Variants in SH3GL2 observed in about 807,000 individuals in gnomAD.
SH3GL2 encodes the protein endophilin-A1.
Under a neutral mutation model 46.0 loss-of-function variants are expected in SH3GL2, and 24 were observed. That is an observed-to-expected ratio of 0.52 (90% CI 0.38 to 0.73). The LOEUF (loss-of-function observed/expected upper bound fraction) is 0.73, where lower values mean the gene tolerates loss of function less well. Ranked by LOEUF, SH3GL2 falls within the 30% of genes least tolerant of loss-of-function variation. The probability of loss-of-function intolerance (pLI) is 0.00; values close to 1 mark genes in which losing one functional copy is unlikely to be tolerated. For missense variants in SH3GL2, 413 were observed against 424.2 expected (o/e 0.97, Z 0.23); for synonymous variants, 196 against 147.1 (o/e 1.33, Z -2.40).
chr9:17,754,589 C>T (rs1431229327), intron 2 of SH3GL2, among the ~76,000 whole-genome samples: 1 of 152,128 alleles, frequency 6.6e-6, no homozygotes, highest in African/African-American at 2.4e-5. Context: ...AGGAGAATGG[C>T]TTGAACCCAG....
chr9:17,787,012 C>A (rs140815677), intron 4 of SH3GL2, among the ~76,000 whole-genome samples: 3 of 152,180 alleles, frequency 2.0e-5, no homozygotes, highest in Non-Finnish European at 4.4e-5. Flanking sequence ...TCTATTTTCA[C>A]CCCCTTGTGA....
chr9:17,757,568 T>C (rs191865907), intron 2 of SH3GL2, among the ~76,000 whole-genome samples: 150 of 152,342 alleles, frequency 9.8e-4, no homozygotes, highest in Admixed American at 3.1e-3. Flanking sequence ...GCAAGGTTAG[T>C]TGAAGACGGA....
chr9:17,714,544 G>A (rs1821704665), intron 1 of SH3GL2, among the ~76,000 whole-genome samples: 1 of 151,512 alleles, frequency 6.6e-6, no homozygotes, highest in South Asian at 2.1e-4. Context: ...TACTTTAGTG[G>A]TTGGTAGTGC....
At chr9:17,760,116 A>G (rs1445372038) in intron 2 of SH3GL2, among the ~76,000 whole-genome samples, 1 of 152,194 alleles carries the variant, frequency 6.6e-6, no homozygotes, top group Non-Finnish European at 1.5e-5. Context: ...ACTACCTGGT[A>G]CACACTCAAT....
At chr9:17,751,914 A>T (rs892348658) in intron 2 of SH3GL2, among the ~76,000 whole-genome samples, 1 of 152,158 alleles carries the variant, frequency 6.6e-6, no homozygotes, top group Admixed American at 6.5e-5. Context: ...CTTTGAAGAC[A>T]TCTTTTTCCT....
intron 1 of SH3GL2, among the ~76,000 whole-genome samples, chr9:17,600,726 A>G (rs35753976): frequency 0.017 from 2,619 of 152,278 alleles, 113 homozygotes; most frequent in Admixed American, 0.1. Context: ...TTTGTGGGGA[A>G]TGGACTTTAA....
At chr9:17,732,223 G>C (rs1266441072) in intron 1 of SH3GL2, among the ~76,000 whole-genome samples, 9 of 141,044 alleles carry the variant, frequency 6.4e-5, no homozygotes, top group Non-Finnish European at 1.1e-4. Context: ...GACCGGAGTT[G>C]TTGCTAATTA....
chr9:17,795,533 C>G lies in SH3GL2; in HGVS notation c.860-11C>G, dbSNP rs771029418. On this transcript the variant is annotated splice_polypyrimidine_tract_variant and intron_variant, in intron 8 of 8. Coordinates refer to ENST00000380607, the MANE Select transcript of SH3GL2 (RefSeq NM_003026.5). ...TTGTGTTCTTCTCTTCTCTCCTGCT[C>G]TTACTCCCAGGTGTCCAAATGGATC... is the stretch of plus-strand genomic sequence containing the variant. The G allele has an allele frequency of 1.3e-5, 21 of 1,610,830 alleles. No individual in the cohort carries two copies. The highest frequency in any genetic ancestry group is 1.8e-5 in the Non-Finnish European group (21 of 1,177,296).
chr9:17,594,775 A>G (rs528677881), intron 1 of SH3GL2, among the ~76,000 whole-genome samples: 3 of 152,304 alleles, frequency 2.0e-5, no homozygotes, highest in East Asian at 1.9e-4. Flanking sequence ...CTGCCATTCT[A>G]TACTTCATTC....
intron 3 of SH3GL2, among the ~76,000 whole-genome samples, chr9:17,784,316 A>C (rs1272856702): frequency 6.6e-6 from 1 of 152,172 alleles, no homozygotes; most frequent in Non-Finnish European, 1.5e-5. Context: ...TTACCTGGAG[A>C]CAGCCCTTAA....
chr9:17,719,634 T>TA (rs948028151), intron 1 of SH3GL2, among the ~76,000 whole-genome samples: 10 of 151,780 alleles, frequency 6.6e-5, no homozygotes, highest in Admixed American at 2.0e-4. Flanking sequence ...TACCAAAAAA[T>TA]AAAAAAAATT....
intron 3 of SH3GL2, among the ~76,000 whole-genome samples, chr9:17,764,511 G>T (rs144700496): frequency 6.6e-6 from 1 of 152,250 alleles, no homozygotes; most frequent in Non-Finnish European, 1.5e-5. Flanking sequence ...GGGCCAACCA[G>T]TGTGGATACT....
intron 3 of SH3GL2, among the ~76,000 whole-genome samples, chr9:17,767,964 T>C (rs1042955232): frequency 4.6e-5 from 7 of 152,212 alleles, no homozygotes; most frequent in Admixed American, 1.3e-4. Flanking sequence ...TCCTGAAATA[T>C]GTGAGACACT....
intron 1 of SH3GL2, 50 bp downstream of exon 1, chr9:17,579,337 AG>A: frequency 7.3e-7 from 1 of 1,364,904 alleles, no homozygotes; most frequent in Non-Finnish European, 1.0e-6. Flanking sequence ...CGAAGCTGCG[AG>A]GGGCGCGCTC....
chr9:17,744,919 A>C (rs1289963954), intron 1 of SH3GL2, among the ~76,000 whole-genome samples: 1 of 152,202 alleles, frequency 6.6e-6, no homozygotes, highest in East Asian at 1.9e-4. Context: ...TTAAGAGTTA[A>C]GGCAGTGGGT....
chr9:17,640,822 G>C (rs1237331791), intron 1 of SH3GL2, among the ~76,000 whole-genome samples: 6 of 152,146 alleles, frequency 3.9e-5, no homozygotes, highest in African/African-American at 1.4e-4. Flanking sequence ...ATTCAGGTCA[G>C]CTTTAACATA....
At chr9:17,646,390 CCTT>C (rs1384427956) in intron 1 of SH3GL2, among the ~76,000 whole-genome samples, 1 of 152,016 alleles carries the variant, frequency 6.6e-6, no homozygotes, top group East Asian at 1.9e-4. Context: ...TTGTGAAACT[CCTT>C]CTCTGTCCAG....
At chr9:17,763,741 A>G (rs1039179284) in intron 3 of SH3GL2, among the ~76,000 whole-genome samples, 2 of 152,178 alleles carry the variant, frequency 1.3e-5, no homozygotes, top group Non-Finnish European at 2.9e-5. Context: ...TTTATTCAGG[A>G]AAAAACAAGG....
intron 1 of SH3GL2, among the ~76,000 whole-genome samples, chr9:17,725,313 T>G (rs7857486): frequency 0.5 from 76,376 of 151,662 alleles, 19,677 homozygotes; most frequent in East Asian, 0.66. Context: ...TTAGCCTTCT[T>G]TGTCTCTAGG....
Sources: gnomAD v4.1 joint callset for allele counts (sites outside exome capture counted in the v4.1 genomes callset) on GRCh38, gnomAD v4.1.1 for gene constraint, MANE v1.5 for transcripts, NCBI Gene and HGNC (gene_info 2026-07-23, HGNC 2026-07-21) for gene names.